CNBP: variants seen among roughly 807,000 people sequenced by gnomAD.
CNBP encodes the protein cellular nucleic acid-binding protein.
In CNBP, 6 loss-of-function variants were observed where a neutral mutation model predicts 21.2. The ratio of observed to expected loss-of-function variants is 0.28; its 90% CI spans 0.16 to 0.56. The LOEUF (loss-of-function observed/expected upper bound fraction) is 0.56, where lower values mean the gene tolerates loss of function less well. Among genes scored for constraint, CNBP ranks in the 20% least tolerant of loss-of-function variants. The pLI is 0.93. For missense variants in CNBP, 112 were observed against 233.1 expected (o/e 0.48, Z 3.38); for synonymous variants, 61 against 74.9 (o/e 0.81, Z 0.96).
intron 1 of CNBP, among the ~76,000 whole-genome samples, chr3:129,181,667 A>AAAAAAAAAAAAAAAAAAAC: frequency 6.6e-6 from 1 of 150,438 alleles, no homozygotes; most frequent in Non-Finnish European, 1.5e-5. Flanking sequence ...AAAAAAGAAA[A>AAAAAAAAAAAAAAAAAAAC]ACCCCTGGTC....
chr3:129,171,859 C>T (rs1035935665), intron 1 of CNBP, 88 bp from the exon 2 acceptor site: 4 of 1,391,666 alleles, frequency 2.9e-6, no homozygotes, highest in Non-Finnish European at 3.9e-6. Context: ...GAAAATTATT[C>T]TGGGGAAAAA....
Position 129,167,902 on chromosome 3 carries a change from T to C in CNBP, c.*2551A>G, listed in dbSNP as rs1937478957. Among the ~76,000 whole-genome samples, 1 of 152,162 alleles carries C rather than the reference T, an allele frequency of 6.6e-6. No individual in the cohort carries two copies. Among genetic ancestry groups the C allele is most frequent in the Non-Finnish European group, 1.5e-5 (1 of 68,036 alleles). On this transcript the variant is annotated 3_prime_UTR_variant, in exon 5 of 5. Coordinates refer to ENST00000422453, the MANE Select transcript of CNBP (RefSeq NM_003418.5). The stretch of plus-strand genomic sequence containing the variant: ...TCAGTAAAAATAGCACATGAAAAAA[T>C]ATTATAAGCTTATATTCATAAAGAA...
At position 129,172,681 on chromosome 3, in the gene CNBP, CAG is replaced by C. The variant is rs1207598902; in HGVS notation, c.-14-912_-14-911del. 7.6e-3 allele frequency among the ~76,000 whole-genome samples: 871 copies of C among 114,542 alleles called. 1 individual carries two copies. The highest frequency in any genetic ancestry group is 9.5e-3 in the Non-Finnish European group (531 of 55,642). The allele number at this position is 114,542 out of a possible 152,430, so 75.1% of individuals were successfully genotyped here. On this transcript the variant is annotated intron_variant, in intron 1 of 4. Coordinates refer to ENST00000422453, the MANE Select transcript of CNBP (RefSeq NM_003418.5). ...GCAGACAGACAGACAGACAGACAGA[CAG>C]ACAGACAGACAGACACACACACACA...
intron 1 of CNBP, among the ~76,000 whole-genome samples, chr3:129,176,498 T>C (rs1292335257): frequency 6.6e-6 from 1 of 152,222 alleles, no homozygotes; most frequent in Non-Finnish European, 1.5e-5. Context: ...GTAGCCATTA[T>C]GTAACTCAGT....
chr3:129,178,140 C>A (rs1039536435), intron 1 of CNBP, among the ~76,000 whole-genome samples: 5 of 114,326 alleles, frequency 4.4e-5, no homozygotes, highest in African/African-American at 1.7e-4. Context: ...GCCTGGGCAA[C>A]AGAGCAAGAC....
Position 129,168,045 on chromosome 3 carries a change from A to C in CNBP, c.*2408T>G, listed in dbSNP as rs1360947081. On this transcript the variant is annotated 3_prime_UTR_variant, in exon 5 of 5. Transcript: ENST00000422453. ...TTAACACTGAATCACTATACCATGA[A>C]CTGACAGAACCCTGCATGAAGGATG... is the stretch of plus-strand genomic sequence containing the variant. 1.3e-5 allele frequency among the ~76,000 whole-genome samples: 2 copies of C among 152,196 alleles called. No individual in the cohort carries two copies. Among genetic ancestry groups the C allele is most frequent in the African/African-American group, 4.8e-5 (2 of 41,428 alleles).
intron 1 of CNBP, among the ~76,000 whole-genome samples, chr3:129,179,831 T>G (rs1938167242): frequency 2.0e-5 from 3 of 151,516 alleles, no homozygotes; most frequent in Admixed American, 2.0e-4. Flanking sequence ...AGACTCCGTC[T>G]CCAAAAAAAA....
intron 1 of CNBP, among the ~76,000 whole-genome samples, chr3:129,183,402 C>G (rs1353831866): frequency 2.6e-5 from 4 of 152,226 alleles, no homozygotes; most frequent in Admixed American, 2.0e-4. Flanking sequence ...CCAGTGAGTT[C>G]CCGCCAAATC....
In CNBP at chr3:129,171,284, CA is replaced by C. The variant is rs767916308; in HGVS notation, c.218-8del. 17 of 1,613,926 alleles carry C rather than the reference CA, an allele frequency of 1.1e-5. 1 individual carries two copies. The South Asian group carries it at 1.8e-4, about 17-fold the overall frequency. ...CTACCGCAGTTATAGCAGGCTTCAA[CA>C]ATAAGGAAAAGAAACAGGCCAAGAC... On this transcript the variant is annotated splice_region_variant and splice_polypyrimidine_tract_variant and intron_variant, in intron 3 of 4. Coordinates refer to ENST00000422453, the MANE Select transcript of CNBP (RefSeq NM_003418.5).
chr3:129,178,223 T>C (rs1388245964), intron 1 of CNBP, among the ~76,000 whole-genome samples: 1 of 151,522 alleles, frequency 6.6e-6, no homozygotes. Flanking sequence ...GAGCCATGTA[T>C]GCTAAACTAA....
chr3:129,172,604 GCAGA>G (rs1477371714), intron 1 of CNBP, among the ~76,000 whole-genome samples: 6,587 of 34,042 alleles, frequency 0.19, 388 homozygotes, highest in East Asian at 0.29. Flanking sequence ...AGGCAGGCAG[GCAGA>G]CAGGCAGACA....
At chr3:129,182,778 T>C (rs1576930837) in intron 1 of CNBP, among the ~76,000 whole-genome samples, 1 of 152,080 alleles carries the variant, frequency 6.6e-6, no homozygotes, top group Non-Finnish European at 1.5e-5. Flanking sequence ...CAGCCCCTTT[T>C]GGAATGGTAA....
Position 129,171,773 on chromosome 3 carries a change from T to C in CNBP, c.-14-2A>G, listed in dbSNP as rs1937573404. Reference sequence around the variant, plus strand: ...TGCTGCTCATGGCTGCAGTCAGATCTTTGAAATATTAAAAGTAACAGCATT... The same window carrying C: ...TGCTGCTCATGGCTGCAGTCAGATCCTTGAAATATTAAAAGTAACAGCATT... On this transcript the variant is annotated splice_acceptor_variant, in intron 1 of 4. Transcript: ENST00000422453. LOFTEE classifies it low-confidence loss of function (5UTR_SPLICE). 2 of 1,608,676 alleles carry C rather than the reference T, an allele frequency of 1.2e-6. No homozygotes were observed. The highest frequency in any genetic ancestry group is 1.7e-6 in the Non-Finnish European group (2 of 1,177,764).
intron 1 of CNBP, among the ~76,000 whole-genome samples, chr3:129,181,690 G>C (rs1938313306): frequency 6.8e-6 from 1 of 146,476 alleles, no homozygotes; most frequent in Non-Finnish European, 1.5e-5. Flanking sequence ...CCACTGATTT[G>C]GTTCAAAATA....
rs1193797460 is a variant in CNBP, at chr3:129,172,697, C to CAG, written c.-14-927_-14-926insCT. 4.8e-3 allele frequency among the ~76,000 whole-genome samples: 539 copies of CAG among 112,478 alleles called. 14 individuals are homozygous for CAG. The highest frequency in any genetic ancestry group is 0.018 in the African/African-American group (499 of 28,156). The allele number at this position is 112,478 out of a possible 152,430, so 73.8% of individuals were successfully genotyped here. Reference sequence around the variant, plus strand: ...ACAGACAGACAGACAGACAGACAGACACACACACACACACACACACACACA... The same window carrying CAG: ...ACAGACAGACAGACAGACAGACAGACAGACACACACACACACACACACACACA... On this transcript the variant is annotated intron_variant, in intron 1 of 4. Coordinates refer to ENST00000422453, the MANE Select transcript of CNBP (RefSeq NM_003418.5).
At chr3:129,174,003 A>G (rs537881466) in intron 1 of CNBP, among the ~76,000 whole-genome samples, 22 of 152,314 alleles carry the variant, frequency 1.4e-4, no homozygotes, top group African/African-American at 4.1e-4. Context: ...TTGAGTTTCA[A>G]AAAGTTCCCA....
At chr3:129,172,648 GCAGGCAGGCAGACAGACAGACAGACAGA>G (rs1447927823) in intron 1 of CNBP, among the ~76,000 whole-genome samples, 3 of 110,454 alleles carry the variant, frequency 2.7e-5, no homozygotes, top group Non-Finnish European at 5.8e-5. Flanking sequence ...AGGCAGGCAG[GCAGGCAGGCAGACAGACAGACAGACAGA>G]CAGACAGACA....
At chr3:129,171,862 G>A in intron 1 of CNBP, 91 bp from the exon 2 acceptor site, 2 of 1,359,134 alleles carry the variant, frequency 1.5e-6, no homozygotes, top group Non-Finnish European at 2.0e-6. Flanking sequence ...AATTATTCTG[G>A]GGAAAAAAGC....
chr3:129,172,652 GCAGGCAGA>G (rs1451917368), intron 1 of CNBP, among the ~76,000 whole-genome samples: 299 of 109,078 alleles, frequency 2.7e-3, no homozygotes, highest in African/African-American at 8.9e-3. Flanking sequence ...AGGCAGGCAG[GCAGGCAGA>G]CAGACAGACA....
Sources: gnomAD v4.1 joint callset for allele counts (sites outside exome capture counted in the v4.1 genomes callset) on GRCh38, gnomAD v4.1.1 for gene constraint, MANE v1.5 for transcripts, NCBI Gene and HGNC (gene_info 2026-07-23, HGNC 2026-07-21) for gene names.